SEPTIN9: variants seen among roughly 807,000 people sequenced by gnomAD.
SEPTIN9 encodes the protein septin 9, also known as septin-9.
Under a neutral mutation model 56.6 loss-of-function variants are expected in SEPTIN9, and 13 were observed. That is an observed-to-expected ratio of 0.23 (90% confidence interval 0.15 to 0.37). SEPTIN9 has a LOEUF of 0.37. SEPTIN9 is among the 10% of genes least tolerant of loss of function. The pLI, the probability that SEPTIN9 is intolerant of heterozygous loss-of-function variation, is 1.00. For missense variants in SEPTIN9, 650 were observed against 823.1 expected (o/e 0.79, Z 2.57); for synonymous variants, 332 against 334.1 (o/e 0.99, Z 0.07).
At chr17:77,480,350 C>T (rs2039405646) in intron 3 of SEPTIN9, among the ~76,000 whole-genome samples, 1 of 152,260 alleles carries the variant, frequency 6.6e-6, no homozygotes, top group Non-Finnish European at 1.5e-5. Flanking sequence ...GGGGAGCCTC[C>T]CTCCGACACC....
At position 77,499,687 on chromosome 17, in the gene SEPTIN9, G is replaced by A; in HGVS notation, c.*1029G>A. 2.5e-6 allele frequency: 1 copy of A among 404,906 alleles called. No individual in the cohort carries two copies. Among genetic ancestry groups the A allele is most frequent in the Admixed American group, 4.0e-5 (1 of 24,866 alleles). 25.1% of individuals were successfully genotyped at this position (404,906 alleles called of 1,614,324 possible). On this transcript the variant is annotated 3_prime_UTR_variant, in exon 12 of 12. Coordinates refer to ENST00000427177, the MANE Select transcript of SEPTIN9 (RefSeq NM_001113491.2). ...GTATGCGTGTCCGTCTGTCTGTCTA[G>A]TGTCTGGGTTTGGCCCAAGACTGGG...
chr17:77,284,949 C>G (rs1160577442), intron 1 of SEPTIN9, among the ~76,000 whole-genome samples: 1 of 152,096 alleles, frequency 6.6e-6, no homozygotes, highest in Non-Finnish European at 1.5e-5. Flanking sequence ...TTAAATGGGA[C>G]AGTGCTATGT....
intron 2 of SEPTIN9, among the ~76,000 whole-genome samples, chr17:77,314,924 C>T (rs561771080): frequency 5.9e-4 from 90 of 152,290 alleles, no homozygotes; most frequent in African/African-American, 2.1e-3. Flanking sequence ...CGCTGGTGCC[C>T]AGGATGGTGC....
Position 77,451,397 on chromosome 17 carries a change from G to C in SEPTIN9, c.722-30747G>C, listed in dbSNP as rs148593801. 1.5e-5 allele frequency: 15 copies of C among 985,580 alleles called. No individual in the cohort carries two copies. In the East Asian group the frequency reaches 1.6e-3, roughly 105 times the overall value. 61.1% of individuals were successfully genotyped at this position (985,580 alleles called of 1,614,324 possible). On this transcript the variant is annotated intron_variant, in intron 3 of 11. Coordinates refer to ENST00000427177, the MANE Select transcript of SEPTIN9 (RefSeq NM_001113491.2). This position sits in a 1 kb window ranked among gnomAD's most constrained non-coding sequence, Gnocchi z 4.2. The stretch of plus-strand genomic sequence containing the variant: ...CGAGGTCCCTCCCTACCTCTGCCCC[G>C]CGCTCTGGGAGGCTCCTTGTTCCGC...
chr17:77,436,785 G>A lies in SEPTIN9; in HGVS notation c.721+34082G>A, dbSNP rs1598373537. Among the ~76,000 whole-genome samples, 2 of 152,258 alleles carry A rather than the reference G, an allele frequency of 1.3e-5. No homozygotes were observed. The highest frequency in any genetic ancestry group is 4.8e-5 in the African/African-American group (2 of 41,476). On this transcript the variant is annotated intron_variant, in intron 3 of 11. Coordinates refer to ENST00000427177, the MANE Select transcript of SEPTIN9 (RefSeq NM_001113491.2). This position sits in a 1 kb window ranked among gnomAD's most constrained non-coding sequence, Gnocchi z 4.4. ...GTCCTTGGGGGTTCCTGCAGGGTGAGCTGCCCATTCTGGCCCTGGTAAGGA... is the reference window on the plus strand; with the variant it reads ...GTCCTTGGGGGTTCCTGCAGGGTGAACTGCCCATTCTGGCCCTGGTAAGGA...
intron 3 of SEPTIN9, among the ~76,000 whole-genome samples, chr17:77,465,856 C>T (rs1893647492): frequency 6.6e-6 from 1 of 151,904 alleles, no homozygotes; most frequent in African/African-American, 2.4e-5. Context: ...TGGTGTAACT[C>T]ACCCCTGGAA....
intron 3 of SEPTIN9, among the ~76,000 whole-genome samples, chr17:77,413,200 C>T (rs9916143): frequency 6.6e-6 from 1 of 151,572 alleles, no homozygotes; most frequent in Non-Finnish European, 1.5e-5. Context: ...TACCCTCTGC[C>T]TTCTGGAACA....
intron 3 of SEPTIN9, among the ~76,000 whole-genome samples, chr17:77,448,666 C>G (rs72896171): frequency 0.013 from 1,921 of 152,158 alleles, 13 homozygotes; most frequent in Middle Eastern, 0.02. Context: ...TATCAAATAT[C>G]TGTCATTTTT....
At chr17:77,388,927 G>A (rs925979927) in intron 2 of SEPTIN9, among the ~76,000 whole-genome samples, 1 of 147,820 alleles carries the variant, frequency 6.8e-6, no homozygotes, top group African/African-American at 2.5e-5. Context: ...GATCAGGAAT[G>A]GTCACCGCCT....
chr17:77,428,957 G>A (rs1188062589), intron 3 of SEPTIN9: 34 of 456,966 alleles, frequency 7.4e-5, no homozygotes, highest in Non-Finnish European at 1.5e-4. Context: ...ACATGTCACA[G>A]CCCTGGTTAT....
At position 77,281,845 on chromosome 17, in the gene SEPTIN9, C is replaced by T. The variant is rs539900246; in HGVS notation, c.19+291C>T. On this transcript the variant is annotated intron_variant, in intron 1 of 11. Transcript: ENST00000427177. ...ACCCTCGCAGGAATCGCTGACTTTC[C>T]AGGTCGGCCGGGTGCTTTGGGTCCC... The T allele has an allele frequency of 1.7e-4, 75 of 444,872 alleles. 1 individual carries two copies. In the Middle Eastern group the frequency reaches 3.5e-3, roughly 21 times the overall value. 27.6% of individuals were successfully genotyped at this position (444,872 alleles called of 1,614,324 possible).
chr17:77,386,291 C>T (rs551312257), intron 2 of SEPTIN9, among the ~76,000 whole-genome samples: 1 of 152,308 alleles, frequency 6.6e-6, no homozygotes, highest in African/African-American at 2.4e-5. Flanking sequence ...CTGCAATGGG[C>T]CCAGGCAGTT....
intron 7 of SEPTIN9, 140 bp from the exon 8 acceptor site, chr17:77,490,602 C>T (rs919351827): frequency 2.3e-5 from 16 of 689,808 alleles, no homozygotes; most frequent in Non-Finnish European, 3.9e-5. Flanking sequence ...GCCGACTCGG[C>T]CCGGGGCCCT....
At chr17:77,424,534 A>G (rs2036826360) in intron 3 of SEPTIN9, among the ~76,000 whole-genome samples, 1 of 152,120 alleles carries the variant, frequency 6.6e-6, no homozygotes, top group African/African-American at 2.4e-5. Context: ...CTTGACCTTC[A>G]AGGTACCCCT....
chr17:77,413,087 CGTGTGTGTGTGTGT>C lies in SEPTIN9; in HGVS notation c.721+10406_721+10419del, dbSNP rs3047410. Among the ~76,000 whole-genome samples the C allele has an allele frequency of 2.5e-3, 362 of 144,024 alleles. 3 individuals carry two copies. The highest frequency in any genetic ancestry group is 2.2e-3 in the Non-Finnish European group (146 of 64,990). 94.5% of individuals were successfully genotyped at this position (144,024 alleles called of 152,430 possible). On this transcript the variant is annotated intron_variant, in intron 3 of 11. Transcript: ENST00000427177. ...CGAGCTTGGTCTGGAGCGGGTGGGG[CGTGTGTGTGTGTGT>C]GTGTGTGTGTGTGTGTGTGTGCTAT...
intron 3 of SEPTIN9, among the ~76,000 whole-genome samples, chr17:77,448,567 C>T (rs1227410950): frequency 6.6e-6 from 1 of 152,070 alleles, no homozygotes; most frequent in Non-Finnish European, 1.5e-5. Flanking sequence ...ATTTGAACAC[C>T]TGAAATGTGG....
At chr17:77,403,624 A>G (rs1355180068) in intron 3 of SEPTIN9, among the ~76,000 whole-genome samples, 1 of 152,190 alleles carries the variant, frequency 6.6e-6, no homozygotes, top group African/African-American at 2.4e-5. Context: ...GTAAGGTGCC[A>G]GCTGGGTTAG....
chr17:77,424,432 A>G (rs1050916005), intron 3 of SEPTIN9, among the ~76,000 whole-genome samples: 3 of 152,064 alleles, frequency 2.0e-5, no homozygotes, highest in Non-Finnish European at 2.9e-5. Flanking sequence ...TATGTTGTGG[A>G]CACCTCCACG....
chr17:77,304,749 G>A (rs539424368), intron 1 of SEPTIN9, among the ~76,000 whole-genome samples: 103 of 152,306 alleles, frequency 6.8e-4, no homozygotes, highest in Admixed American at 1.0e-3. Context: ...CTCAGCCCCG[G>A]ACAGCAGAAT....
Sources: allele counts gnomAD v4.1 joint callset (sites outside exome capture counted in the v4.1 genomes callset), GRCh38; gene constraint gnomAD v4.1.1; non-coding constraint Gnocchi (gnomAD v3.1); transcripts MANE v1.5; gene names NCBI Gene and HGNC (gene_info 2026-07-23, HGNC 2026-07-21).